ARHGAP26: variants seen among roughly 807,000 people sequenced by gnomAD.
The protein encoded by ARHGAP26 is Rho GTPase activating protein 26.
In ARHGAP26, 38 loss-of-function variants were observed where a neutral mutation model predicts 104.8. The observed-to-expected ratio is 0.36, with a 90% confidence interval of 0.28 to 0.48. The LOEUF (loss-of-function observed/expected upper bound fraction) is 0.48, where lower values mean the gene tolerates loss of function less well. Among genes scored for constraint, ARHGAP26 ranks in the 20% least tolerant of loss-of-function variants. ARHGAP26 has a pLI of 0.99. For synonymous variants in ARHGAP26, 341 were observed against 340.0 expected (o/e 1.00, Z -0.03); for missense variants, 704 against 947.9 (o/e 0.74, Z 3.38).
At chr5:142,858,140 A>G (rs901018024) in intron 1 of ARHGAP26, among the ~76,000 whole-genome samples, 2 of 150,568 alleles carry the variant, frequency 1.3e-5, no homozygotes, top group African/African-American at 4.9e-5. Flanking sequence ...TGTTGCAGGC[A>G]TGCTTTCCCT....
intron 10 of ARHGAP26, among the ~76,000 whole-genome samples, chr5:142,916,214 A>C (rs908272012): frequency 5.3e-5 from 8 of 152,266 alleles, no homozygotes; most frequent in Admixed American, 1.3e-4. Context: ...TGAAGTGTGA[A>C]GTATGTGACT....
intron 14 of ARHGAP26, among the ~76,000 whole-genome samples, chr5:143,046,043 A>T (rs1784187556): frequency 6.6e-6 from 1 of 152,226 alleles, no homozygotes; most frequent in Non-Finnish European, 1.5e-5. Context: ...CTGAGGCAGG[A>T]GAACTGCTTG....
At chr5:142,901,856 G>T in intron 6 of ARHGAP26, 79 bp from the exon 7 acceptor site, 1 of 1,140,872 alleles carries the variant, frequency 8.8e-7, no homozygotes. Flanking sequence ...TCAAGCCAGT[G>T]TTGGGAGCTC....
chr5:142,771,554 G>T (rs192575519), intron 1 of ARHGAP26, among the ~76,000 whole-genome samples: 7 of 152,290 alleles, frequency 4.6e-5, no homozygotes, highest in African/African-American at 1.7e-4. Flanking sequence ...AAGGTGATAG[G>T]GGTGGGAGTA....
intron 19 of ARHGAP26, among the ~76,000 whole-genome samples, chr5:143,136,184 A>G (rs930147333): frequency 4.6e-5 from 7 of 152,236 alleles, no homozygotes; most frequent in African/African-American, 1.4e-4. Flanking sequence ...CTGGGAGCTC[A>G]TAAGAATGAA....
At chr5:143,150,488 G>A (rs1799712266) in intron 20 of ARHGAP26, among the ~76,000 whole-genome samples, 1 of 152,186 alleles carries the variant, frequency 6.6e-6, no homozygotes, top group Non-Finnish European at 1.5e-5. Context: ...TGTGAGGTGG[G>A]CATTAGGAAA....
chr5:143,218,665 A>G (rs1176653104), intron 22 of ARHGAP26, among the ~76,000 whole-genome samples: 4 of 152,198 alleles, frequency 2.6e-5, no homozygotes, highest in African/African-American at 4.8e-5. Context: ...GCTTATATTT[A>G]GTATATGCTG....
intron 11 of ARHGAP26, among the ~76,000 whole-genome samples, chr5:142,967,780 G>C (rs1771631893): frequency 6.6e-6 from 1 of 152,204 alleles, no homozygotes; most frequent in South Asian, 2.1e-4. Flanking sequence ...GATCTGCAAA[G>C]CTGGGGAAGT....
At chr5:143,133,872 C>G (rs1797631737) in intron 18 of ARHGAP26, 95 bp from the exon 19 acceptor site, 1 of 1,284,754 alleles carries the variant, frequency 7.8e-7, no homozygotes, top group Admixed American at 2.5e-5. Flanking sequence ...TTGCTAATTC[C>G]AAGACACTGC....
At chr5:142,777,050 C>T (rs1195053347) in intron 1 of ARHGAP26, among the ~76,000 whole-genome samples, 3 of 152,146 alleles carry the variant, frequency 2.0e-5, no homozygotes, top group Non-Finnish European at 4.4e-5. Flanking sequence ...GTTTGTTGGC[C>T]ATTGGTGCGT....
intron 10 of ARHGAP26, among the ~76,000 whole-genome samples, chr5:142,915,993 C>T (rs1318348816): frequency 6.6e-6 from 1 of 152,162 alleles, no homozygotes; most frequent in Non-Finnish European, 1.5e-5. Flanking sequence ...GTCCTGCCTT[C>T]CACAGGTTCC....
At chr5:143,139,270 CCCA>C (rs1798243879) in intron 19 of ARHGAP26, among the ~76,000 whole-genome samples, 1 of 152,048 alleles carries the variant, frequency 6.6e-6, no homozygotes, top group Non-Finnish European at 1.5e-5. Flanking sequence ...TCGTGTCATC[CCCA>C]CAATTGATGA....
chr5:142,990,624 C>T (rs996284232), intron 11 of ARHGAP26, among the ~76,000 whole-genome samples: 2 of 152,248 alleles, frequency 1.3e-5, no homozygotes, highest in African/African-American at 4.8e-5. Context: ...ATGATGGTGA[C>T]GTACAGATGG....
At chr5:142,878,374 C>T (rs1005875085) in intron 3 of ARHGAP26, among the ~76,000 whole-genome samples, 2 of 152,174 alleles carry the variant, frequency 1.3e-5, no homozygotes, top group African/African-American at 4.8e-5. Context: ...AATGTTTTGC[C>T]CATGGTCACA....
intron 20 of ARHGAP26, among the ~76,000 whole-genome samples, chr5:143,152,705 G>C (rs146755236): frequency 6.7e-4 from 102 of 152,314 alleles, no homozygotes; most frequent in African/African-American, 2.4e-3. Flanking sequence ...CCCAGGCCCA[G>C]GCCACAATGC....
intron 11 of ARHGAP26, among the ~76,000 whole-genome samples, chr5:142,965,769 C>A (rs746988620): frequency 6.6e-6 from 1 of 152,134 alleles, no homozygotes; most frequent in Non-Finnish European, 1.5e-5. Context: ...GGTGGCTTGC[C>A]GCCCACAGTA....
intron 17 of ARHGAP26, among the ~76,000 whole-genome samples, chr5:143,062,212 A>T (rs1468341990): frequency 6.6e-6 from 1 of 152,258 alleles, no homozygotes. Flanking sequence ...CAGTGTGGGC[A>T]CATAGGCACT....
intron 21 of ARHGAP26, among the ~76,000 whole-genome samples, chr5:143,208,693 G>T (rs140224095): frequency 3.3e-5 from 5 of 152,172 alleles, no homozygotes; most frequent in African/African-American, 1.2e-4. Context: ...CTCCAAACAC[G>T]TGGGTAACCC....
chr5:142,972,527 A>T (rs1173817990), intron 11 of ARHGAP26, among the ~76,000 whole-genome samples: 1 of 152,088 alleles, frequency 6.6e-6, no homozygotes, highest in Non-Finnish European at 1.5e-5. Flanking sequence ...CCTTATTTTT[A>T]AAAATAACTT....
Sources: gnomAD v4.1 joint callset for allele counts (sites outside exome capture counted in the v4.1 genomes callset) on GRCh38, gnomAD v4.1.1 for gene constraint, MANE v1.5 for transcripts, NCBI Gene and HGNC (gene_info 2026-07-23, HGNC 2026-07-21) for gene names.